Variants in OSBPL6 observed in about 807,000 individuals in gnomAD.
The protein encoded by OSBPL6 is oxysterol binding protein like 6, also known as oxysterol-binding protein-related protein 6.
OSBPL6 carries 49 observed loss-of-function variants against 125.8 expected under a neutral mutation model. The ratio of observed to expected loss-of-function variants is 0.39; its 90% CI spans 0.31 to 0.49. OSBPL6 has a LOEUF of 0.49. Ranked by LOEUF, OSBPL6 falls within the 20% of genes least tolerant of loss-of-function variation. The pLI, the probability that OSBPL6 is intolerant of heterozygous loss-of-function variation, is 0.88. For missense variants in OSBPL6, 986 were observed against 1,135.4 expected (o/e 0.87, Z 1.89); for synonymous variants, 394 against 391.8 (o/e 1.01, Z -0.07).
At chr2:178,232,880 G>A (rs749777429) in intron 1 of OSBPL6, among the ~76,000 whole-genome samples, 2 of 152,222 alleles carry the variant, frequency 1.3e-5, no homozygotes, top group South Asian at 2.1e-4. Context: ...GGCCTCAGAT[G>A]TACTCGTGTA....
At chr2:178,204,447 G>C (rs2089429294) in intron 1 of OSBPL6, among the ~76,000 whole-genome samples, 1 of 152,124 alleles carries the variant, frequency 6.6e-6, no homozygotes, top group East Asian at 1.9e-4. Flanking sequence ...CTGCTGCCCT[G>C]GGCCTGGGTT....
chr2:178,200,998 G>A lies in OSBPL6; in HGVS notation c.-351+6324G>A, dbSNP rs564486281. ...TTTAGTAGAGATGGGGTTTCACCGTGTTAGCCAGGATGGTCTTGATCTCCT... is the reference window on the plus strand; with the variant it reads ...TTTAGTAGAGATGGGGTTTCACCGTATTAGCCAGGATGGTCTTGATCTCCT... On this transcript the variant is annotated intron_variant, in intron 1 of 24. Coordinates refer to ENST00000190611, the MANE Select transcript of OSBPL6 (RefSeq NM_032523.4). Among the ~76,000 whole-genome samples, 438 of 152,104 alleles carry A rather than the reference G, an allele frequency of 2.9e-3. 4 individuals carry two copies. Among genetic ancestry groups the A allele is most frequent in the African/African-American group, 0.01 (422 of 41,488 alleles).
rs1559334420 is a variant in OSBPL6 at position 178,394,444 on chromosome 2, G to A, written c.2696+9G>A. On this transcript the variant is annotated intron_variant, in intron 24 of 24. Coordinates refer to ENST00000190611, the MANE Select transcript of OSBPL6 (RefSeq NM_032523.4). ...ATACCAAAATTTTTTAAGTAAGTCAGTTAACTCCCATAGCAAGTTCATGTT... is the reference window on the plus strand; with the variant it reads ...ATACCAAAATTTTTTAAGTAAGTCAATTAACTCCCATAGCAAGTTCATGTT... 3.7e-6 allele frequency: 6 copies of A among 1,603,864 alleles called. No individual in the cohort carries two copies. The South Asian group carries it at 5.7e-5, about 15-fold the overall frequency.
chr2:178,335,376 A>T (rs1340629931), intron 8 of OSBPL6, among the ~76,000 whole-genome samples: 1 of 152,170 alleles, frequency 6.6e-6, no homozygotes, highest in Non-Finnish European at 1.5e-5. Context: ...CTGGTTAATG[A>T]CATACCTCTA....
intron 1 of OSBPL6, among the ~76,000 whole-genome samples, chr2:178,271,405 C>A (rs2092372028): frequency 6.6e-6 from 1 of 152,070 alleles, no homozygotes; most frequent in South Asian, 2.1e-4. Flanking sequence ...TGAAATAATT[C>A]CCTCAAAGCA....
At chr2:178,336,010 G>A (rs770587194) in intron 8 of OSBPL6, among the ~76,000 whole-genome samples, 2 of 152,294 alleles carry the variant, frequency 1.3e-5, no homozygotes, top group Admixed American at 6.5e-5. Flanking sequence ...TTTACTCAGC[G>A]ATTAAAAATT....
chr2:178,395,411 A>G, intron 24 of OSBPL6, 40 bp from the exon 25 acceptor site: 2 of 1,444,682 alleles, frequency 1.4e-6, no homozygotes, highest in South Asian at 2.3e-5. Flanking sequence ...GGTTACCTTG[A>G]TGTGATTCAT....
chr2:178,295,711 T>C (rs1256158510), intron 2 of OSBPL6, among the ~76,000 whole-genome samples: 1 of 152,124 alleles, frequency 6.6e-6, no homozygotes, highest in Non-Finnish European at 1.5e-5. Flanking sequence ...TTTGTTTTCC[T>C]TATTGGAAGG....
chr2:178,240,723 A>G (rs925773546), intron 1 of OSBPL6, among the ~76,000 whole-genome samples: 1 of 152,228 alleles, frequency 6.6e-6, no homozygotes, highest in African/African-American at 2.4e-5. Context: ...ACTGCACTGT[A>G]GCCTGGGCGA....
intron 1 of OSBPL6, among the ~76,000 whole-genome samples, chr2:178,273,117 T>C (rs1411286152): frequency 1.3e-5 from 2 of 151,974 alleles, no homozygotes; most frequent in Non-Finnish European, 2.9e-5. Flanking sequence ...ACAGAGTGGG[T>C]AAAGAGTGAG....
chr2:178,256,212 A>G (rs1280652204), intron 1 of OSBPL6, among the ~76,000 whole-genome samples: 1 of 152,226 alleles, frequency 6.6e-6, no homozygotes, highest in African/African-American at 2.4e-5. Context: ...TCCCTTAGCA[A>G]AAAGACCCTT....
At chr2:178,386,953 G>A in intron 19 of OSBPL6, 108 bp from the exon 20 acceptor site, 4 of 605,088 alleles carry the variant, frequency 6.6e-6, no homozygotes, top group Non-Finnish European at 1.1e-5. Flanking sequence ...TATAGAATCA[G>A]TTGTCATTCC....
intron 11 of OSBPL6, among the ~76,000 whole-genome samples, chr2:178,342,371 T>G (rs1015826067): frequency 6.6e-6 from 1 of 152,098 alleles, no homozygotes; most frequent in Non-Finnish European, 1.5e-5. Flanking sequence ...TTGAAAAAAT[T>G]TTAAATAGAT....
In OSBPL6 at chr2:178,396,443, T is replaced by G. The variant is rs1695850387; in HGVS notation, c.*884T>G. ...GTGTGCCCTATTATTTGGAAAAATC[T>G]GTCTTTGATTTGGACATTTGGTCAT... On this transcript the variant is annotated 3_prime_UTR_variant, in exon 25 of 25. Coordinates refer to ENST00000190611, the MANE Select transcript of OSBPL6 (RefSeq NM_032523.4). 1 of 152,266 alleles carries G rather than the reference T, an allele frequency of 6.6e-6. No homozygotes were observed. The highest frequency in any genetic ancestry group is 2.4e-5 in the African/African-American group (1 of 41,464). 9.4% of individuals were successfully genotyped at this position (152,266 alleles called of 1,614,324 possible). A position where few individuals can be genotyped will look rare whatever the true frequency, so the allele number is the denominator to read the frequency against.
chr2:178,370,376 A>G (rs1008058272), intron 13 of OSBPL6, among the ~76,000 whole-genome samples: 1 of 152,212 alleles, frequency 6.6e-6, no homozygotes, highest in African/African-American at 2.4e-5. Flanking sequence ...CAAATGTTTC[A>G]GTAACTAAGG....
chr2:178,393,129 A>T (rs2154119879), intron 23 of OSBPL6, among the ~76,000 whole-genome samples: 1 of 152,260 alleles, frequency 6.6e-6, no homozygotes, highest in East Asian at 1.9e-4. Flanking sequence ...AAGGTCTGTA[A>T]ATTTGTGAAC....
At chr2:178,222,013 A>G (rs1294973349) in intron 1 of OSBPL6, among the ~76,000 whole-genome samples, 1 of 151,828 alleles carries the variant, frequency 6.6e-6, no homozygotes, top group African/African-American at 2.4e-5. Flanking sequence ...CTCTTTTTCT[A>G]TGTTATGCAT....
chr2:178,309,562 G>A (rs1687081135), intron 3 of OSBPL6, among the ~76,000 whole-genome samples: 2 of 152,206 alleles, frequency 1.3e-5, no homozygotes, highest in South Asian at 4.1e-4. Context: ...AGAAGGGAGA[G>A]GAGCTACGAA....
intron 1 of OSBPL6, among the ~76,000 whole-genome samples, chr2:178,255,327 C>T (rs1258208557): frequency 6.6e-6 from 1 of 152,086 alleles, no homozygotes; most frequent in East Asian, 1.9e-4. Flanking sequence ...AAACAAAAAA[C>T]AAACAAAAAC....
Sources: gnomAD v4.1 joint callset for allele counts (sites outside exome capture counted in the v4.1 genomes callset) on GRCh38, gnomAD v4.1.1 for gene constraint, MANE v1.5 for transcripts, NCBI Gene and HGNC (gene_info 2026-07-23, HGNC 2026-07-21) for gene names.